PDE4B: variants seen among roughly 807,000 people sequenced by gnomAD.
PDE4B encodes phosphodiesterase 4B, also known as 3',5'-cyclic-AMP phosphodiesterase 4B.
PDE4B carries 20 observed loss-of-function variants against 82.2 expected under a neutral mutation model. The observed-to-expected ratio is 0.24, with a 90% CI of 0.17 to 0.35. PDE4B has a LOEUF of 0.35. Among genes scored for constraint, PDE4B ranks in the 10% least tolerant of loss-of-function variants. The probability of loss-of-function intolerance (pLI) is 1.00; values close to 1 mark genes in which losing one functional copy is unlikely to be tolerated. For missense variants in PDE4B, 655 were observed against 907.2 expected (o/e 0.72, Z 3.57); for synonymous variants, 320 against 318.9 (o/e 1.00, Z -0.04).
chr1:66,084,301 A>G lies in PDE4B; in HGVS notation c.282-163159A>G, dbSNP rs184184204. 3.3e-5 allele frequency among the ~76,000 whole-genome samples: 5 copies of G among 152,242 alleles called. No individual in the cohort carries two copies. The East Asian group carries it at 9.7e-4, about 29-fold the overall frequency. ...AGGAGCCTTCTCTCTTACAAAATGTATTGTTCAGAAGATAAAACGCAAATC... is the reference window on the plus strand; with the variant it reads ...AGGAGCCTTCTCTCTTACAAAATGTGTTGTTCAGAAGATAAAACGCAAATC... On this transcript the variant is annotated intron_variant, in intron 3 of 16. Coordinates refer to ENST00000341517, the MANE Select transcript of PDE4B (RefSeq NM_002600.4).
intron 1 of PDE4B, among the ~76,000 whole-genome samples, chr1:65,894,355 A>G (rs965369631): frequency 1.3e-5 from 2 of 152,158 alleles, no homozygotes; most frequent in African/African-American, 2.4e-5. Flanking sequence ...ATTAATTTGT[A>G]TAATAACTCA....
intron 3 of PDE4B, among the ~76,000 whole-genome samples, chr1:66,072,553 G>C (rs1454631887): frequency 2.0e-5 from 3 of 152,142 alleles, no homozygotes; most frequent in Non-Finnish European, 4.4e-5. Context: ...AAGCTGGAGA[G>C]TGGAGTTTTC....
intron 3 of PDE4B, among the ~76,000 whole-genome samples, chr1:66,176,183 C>T (rs892888202): frequency 9.2e-5 from 14 of 152,174 alleles, no homozygotes; most frequent in African/African-American, 3.4e-4. Flanking sequence ...TCAACAAAGG[C>T]AAGATTTCCC....
chr1:66,365,914 G>T, intron 13 of PDE4B, 148 bp downstream of exon 13: 1 of 501,474 alleles, frequency 2.0e-6, no homozygotes, highest in East Asian at 3.0e-5. Context: ...GCCTTTCGTG[G>T]ATACTCAGTC....
intron 7 of PDE4B, among the ~76,000 whole-genome samples, chr1:66,303,368 TATAC>T (rs1254003634): frequency 6.6e-6 from 1 of 150,746 alleles, no homozygotes; most frequent in African/African-American, 2.4e-5. Context: ...TATATATATA[TATAC>T]ACACACACAG....
intron 3 of PDE4B, among the ~76,000 whole-genome samples, chr1:66,045,809 T>C (rs1220488067): frequency 6.6e-6 from 1 of 151,704 alleles, no homozygotes; most frequent in Admixed American, 6.6e-5. Flanking sequence ...GGAATGAACG[T>C]GATAGGCAGT....
rs930282946 is a variant in PDE4B, at chr1:66,354,511, G to A, written c.748-1016G>A. On this transcript the variant is annotated intron_variant, in intron 8 of 16. Transcript: ENST00000341517. ...AATGTAGAAGAGTGGAAACCCCTTC[G>A]GCCACCAGGGCTATTCATAATTCAT... is the stretch of plus-strand genomic sequence containing the variant. 1.3e-5 allele frequency: 14 copies of A among 1,068,808 alleles called. No individual in the cohort carries two copies. The South Asian group carries it at 1.4e-4, about 11-fold the overall frequency. The allele number at this position is 1,068,808 out of a possible 1,614,324, so 66.2% of individuals were successfully genotyped here. A position where few individuals can be genotyped will look rare whatever the true frequency, so the allele number is the denominator to read the frequency against.
chr1:66,286,967 G>T (rs1249977706), intron 7 of PDE4B, among the ~76,000 whole-genome samples: 2 of 152,082 alleles, frequency 1.3e-5, no homozygotes, highest in Non-Finnish European at 2.9e-5. Context: ...TAACTGCCAG[G>T]TTTGTTAGCT....
At chr1:66,306,764 AAGTT>A (rs1451099508) in intron 7 of PDE4B, among the ~76,000 whole-genome samples, 1 of 152,180 alleles carries the variant, frequency 6.6e-6, no homozygotes, top group African/African-American at 2.4e-5. Context: ...ATCACTCAGT[AAGTT>A]AGTGAAATAG....
intron 3 of PDE4B, among the ~76,000 whole-genome samples, chr1:66,131,031 A>G (rs567177108): frequency 3.3e-5 from 5 of 152,340 alleles, no homozygotes; most frequent in African/African-American, 1.2e-4. Context: ...AAAGCCCAGC[A>G]ATTAGAAATG....
intron 7 of PDE4B, among the ~76,000 whole-genome samples, chr1:66,329,267 C>T (rs564898233): frequency 8.5e-5 from 13 of 152,212 alleles, no homozygotes; most frequent in African/African-American, 2.9e-4. Context: ...AAGACATTAA[C>T]AATGGGGAAA....
rs918792986 is a variant in PDE4B, at chr1:65,878,060, A to G, written c.-70-35185A>G. On this transcript the variant is annotated intron_variant, in intron 1 of 16. Transcript: ENST00000341517. ...ACAAGAAAAAAAAAACAACCTATCA[A>G]AAAGTGGGCAAAGGATATGAACAGA... Among the ~76,000 whole-genome samples the G allele has an allele frequency of 4.6e-5, 7 of 152,224 alleles. No homozygotes were observed. In the South Asian group the frequency reaches 1.4e-3, roughly 31 times the overall value.
At chr1:65,924,268 G>A (rs372373339) in intron 3 of PDE4B, among the ~76,000 whole-genome samples, 6 of 147,382 alleles carry the variant, frequency 4.1e-5, no homozygotes, top group Non-Finnish European at 9.0e-5. Flanking sequence ...TAGAGACGGG[G>A]TTTCACTGTT....
At chr1:65,978,843 C>T (rs1213280775) in intron 3 of PDE4B, among the ~76,000 whole-genome samples, 1 of 152,172 alleles carries the variant, frequency 6.6e-6, no homozygotes, top group African/African-American at 2.4e-5. Context: ...ATAGGTCTCT[C>T]ACCTTGGCAT....
At chr1:65,986,234 G>A (rs1275630681) in intron 3 of PDE4B, among the ~76,000 whole-genome samples, 1 of 152,140 alleles carries the variant, frequency 6.6e-6, no homozygotes, top group Non-Finnish European at 1.5e-5. Context: ...GATAGTTTAT[G>A]TCCTTGGAGA....
At chr1:65,948,921 T>C (rs756125011) in intron 3 of PDE4B, among the ~76,000 whole-genome samples, 3 of 152,128 alleles carry the variant, frequency 2.0e-5, no homozygotes, top group Non-Finnish European at 4.4e-5. Context: ...ACTTCTACTC[T>C]GCCGTCACGT....
At chr1:66,276,971 AACT>A (rs1487825718) in intron 7 of PDE4B, among the ~76,000 whole-genome samples, 2 of 152,350 alleles carry the variant, frequency 1.3e-5, no homozygotes, top group East Asian at 3.9e-4. Flanking sequence ...TTTAGTGTTT[AACT>A]ATTATGATCA....
intron 3 of PDE4B, among the ~76,000 whole-genome samples, chr1:66,090,016 C>T (rs1644978959): frequency 6.6e-6 from 1 of 151,994 alleles, no homozygotes; most frequent in Admixed American, 6.6e-5. Context: ...AGATGACAAA[C>T]TCAACTCTTA....
At chr1:66,296,073 C>T (rs191991900) in intron 7 of PDE4B, among the ~76,000 whole-genome samples, 14 of 152,114 alleles carry the variant, frequency 9.2e-5, no homozygotes, top group African/African-American at 2.7e-4. Context: ...CAGAGGTCAA[C>T]GTCTCTTATT....
Sources: gnomAD v4.1 joint callset for allele counts (sites outside exome capture counted in the v4.1 genomes callset) on GRCh38, gnomAD v4.1.1 for gene constraint, MANE v1.5 for transcripts, NCBI Gene and HGNC (gene_info 2026-07-23, HGNC 2026-07-21) for gene names.